Variants in MYO10 observed in about 807,000 individuals in gnomAD.
The protein encoded by MYO10 is myosin X, also known as unconventional myosin-X.
A neutral mutation model predicts 257.3 loss-of-function variants in MYO10; 133 were observed. The ratio of observed to expected loss-of-function variants is 0.52; its 90% confidence interval spans 0.45 to 0.60. The LOEUF (loss-of-function observed/expected upper bound fraction) is 0.60, where lower values mean the gene tolerates loss of function less well. MYO10 is among the 20% of genes least tolerant of loss of function. The pLI, the probability that MYO10 is intolerant of heterozygous loss-of-function variation, is 0.00. For synonymous variants in MYO10, 1,104 were observed against 1,028.6 expected, an observed-to-expected ratio of 1.07 and a Z score of -1.40; for missense variants, 2,399 against 2,635.7, an observed-to-expected ratio of 0.91 and a Z score of 1.97.
At chr5:16,671,253 T>C (rs1421629515) in intron 38 of MYO10, among the ~76,000 whole-genome samples, 169 bp downstream of exon 38, 2 of 152,216 alleles carry the variant, frequency 1.3e-5, no homozygotes, top group Admixed American at 1.3e-4. Flanking sequence ...ATAAAATGTG[T>C]AGCAGGTTTC....
At chr5:16,916,101 G>C (rs751686314) in intron 1 of MYO10, 10 of 456,032 alleles carry the variant, frequency 2.2e-5, no homozygotes, top group Non-Finnish European at 4.4e-5. Context: ...CCTTGGTAAA[G>C]ATGTCATCGC....
At chr5:16,789,481 T>C (rs1416625196) in intron 4 of MYO10, among the ~76,000 whole-genome samples, 1 of 152,192 alleles carries the variant, frequency 6.6e-6, no homozygotes, top group African/African-American at 2.4e-5. Flanking sequence ...TTGGAAGCTG[T>C]ACCAGAAAGT....
At chr5:16,909,318 C>T (rs1173848240) in intron 1 of MYO10, among the ~76,000 whole-genome samples, 1 of 152,072 alleles carries the variant, frequency 6.6e-6, no homozygotes, top group Non-Finnish European at 1.5e-5. Flanking sequence ...ACCAGCCTGA[C>T]CACATGGTGA....
In MYO10 at chr5:16,869,093, C is replaced by T. The variant is rs560961175; in HGVS notation, c.120+8516G>A. Among the ~76,000 whole-genome samples the T allele has an allele frequency of 9.2e-5, 14 of 151,986 alleles. No homozygotes were observed. In the South Asian group the frequency reaches 2.5e-3, roughly 27 times the overall value. On this transcript the variant is annotated intron_variant, in intron 2 of 40. Transcript: ENST00000513610. ...AGCGTGGAGTGCAGTGGCGCCATTG[C>T]GGCTCACTGCAAGCTCCGTCTCCCA...
At chr5:16,773,882 G>A (rs551429235) in intron 9 of MYO10, among the ~76,000 whole-genome samples, 1 of 152,294 alleles carries the variant, frequency 6.6e-6, no homozygotes, top group African/African-American at 2.4e-5. Flanking sequence ...GATTGGGCAA[G>A]TAGTTAGTAG....
intron 28 of MYO10, among the ~76,000 whole-genome samples, chr5:16,688,426 T>C (rs939370145): frequency 1.3e-5 from 2 of 152,140 alleles, no homozygotes; most frequent in African/African-American, 4.8e-5. Flanking sequence ...AATTCGGCTA[T>C]TGGATGTTAC....
At chr5:16,684,026 G>A in intron 29 of MYO10, 91 bp from the exon 30 acceptor site, 2 of 1,153,394 alleles carry the variant, frequency 1.7e-6, no homozygotes, top group South Asian at 1.3e-5. Flanking sequence ...CTCCCAATCA[G>A]ACAGAAAAGG....
At chr5:16,735,980 C>T (rs951293373) in intron 19 of MYO10, among the ~76,000 whole-genome samples, 4 of 152,172 alleles carry the variant, frequency 2.6e-5, no homozygotes, top group African/African-American at 9.7e-5. Context: ...GGGCCCCTTT[C>T]CAGGTACTGC....
intron 19 of MYO10, among the ~76,000 whole-genome samples, chr5:16,715,032 T>C (rs1290715673): frequency 1.3e-5 from 2 of 151,598 alleles, no homozygotes; most frequent in African/African-American, 4.9e-5. Context: ...ATTTACCTGA[T>C]ATGATTATTA....
At chr5:16,898,413 C>CT (rs34185618) in intron 1 of MYO10, among the ~76,000 whole-genome samples, 40,232 of 136,858 alleles carry the variant, frequency 0.29, 6,465 homozygotes, top group Admixed American at 0.41. Flanking sequence ...ATTTCTTTCT[C>CT]TTTTTTTTTT....
intron 10 of MYO10, 25 bp downstream of exon 10, chr5:16,769,049 G>C (rs993278489): frequency 1.9e-6 from 3 of 1,586,718 alleles, no homozygotes; most frequent in Non-Finnish European, 2.6e-6. Flanking sequence ...AAGGGAGCGA[G>C]GAGGGCAGGC....
chr5:16,674,615 T>C (rs1442054719), intron 35 of MYO10, among the ~76,000 whole-genome samples: 1 of 151,634 alleles, frequency 6.6e-6, no homozygotes, highest in African/African-American at 2.4e-5. Flanking sequence ...TGATCCAATG[T>C]CCTATACATT....
intron 2 of MYO10, among the ~76,000 whole-genome samples, chr5:16,848,600 G>T (rs1268107657): frequency 1.3e-5 from 2 of 152,062 alleles, no homozygotes; most frequent in South Asian, 4.2e-4. Context: ...TGGGGTTTGT[G>T]TTCCCTCCAA....
intron 40 of MYO10, 89 bp from the exon 41 acceptor site, chr5:16,666,882 C>T (rs1736197334): frequency 1.8e-6 from 2 of 1,086,928 alleles, no homozygotes; most frequent in Non-Finnish European, 2.7e-6. Flanking sequence ...TCCCTGGGCA[C>T]CCTCCCGTAG....
chr5:16,796,146 G>A (rs1449764694), intron 3 of MYO10, among the ~76,000 whole-genome samples: 24 of 141,730 alleles, frequency 1.7e-4, no homozygotes, highest in Non-Finnish European at 2.9e-4. Flanking sequence ...CCAAGATTGC[G>A]CCACTGCACT....
At chr5:16,755,699 T>A (rs1488897338) in intron 18 of MYO10, among the ~76,000 whole-genome samples, 1 of 151,840 alleles carries the variant, frequency 6.6e-6, no homozygotes, top group African/African-American at 2.4e-5. Context: ...GATCAATCTT[T>A]AATACTACTT....
At chr5:16,682,785 C>A (rs2126500865) in intron 30 of MYO10, among the ~76,000 whole-genome samples, 1 of 151,860 alleles carries the variant, frequency 6.6e-6, no homozygotes, top group South Asian at 2.1e-4. Flanking sequence ...ACTTGAGGTG[C>A]CCCTTAAAAA....
chr5:16,712,756 C>T (rs1360129423), intron 19 of MYO10, among the ~76,000 whole-genome samples: 2 of 152,210 alleles, frequency 1.3e-5, no homozygotes, highest in African/African-American at 4.8e-5. Flanking sequence ...TCTACAAACA[C>T]TGTGGTCAAA....
chr5:16,718,510 G>A (rs1285081211), intron 19 of MYO10, among the ~76,000 whole-genome samples: 2 of 150,888 alleles, frequency 1.3e-5, no homozygotes, highest in East Asian at 2.0e-4. Context: ...GTTTGTGAGT[G>A]CACCAATCGA....
Sources: allele counts gnomAD v4.1 joint callset (sites outside exome capture counted in the v4.1 genomes callset), GRCh38; gene constraint gnomAD v4.1.1; transcripts MANE v1.5; gene names NCBI Gene and HGNC (gene_info 2026-07-23, HGNC 2026-07-21).